Variants in ARHGEF9 observed in about 807,000 individuals in gnomAD.
The protein encoded by ARHGEF9 is Cdc42 guanine nucleotide exchange factor 9.
ARHGEF9 carries 2 observed loss-of-function variants against 41.3 expected under a neutral mutation model. The observed-to-expected ratio is 0.05, with a 90% CI of 0.02 to 0.15. The LOEUF (loss-of-function observed/expected upper bound fraction) is 0.15. Among genes scored for constraint, ARHGEF9 ranks in the 10% least tolerant of loss-of-function variants. ARHGEF9 has a pLI of 1.00. For missense variants in ARHGEF9, 225 were observed against 424.7 expected (o/e 0.53, Z 4.13); for synonymous variants, 160 against 154.4 (o/e 1.04, Z -0.27).
At chrX:63,639,923 G>A (rs1262947851) in intron 9 of ARHGEF9, 1 of 111,825 alleles carries the variant, frequency 8.9e-6, no homozygotes, top group Non-Finnish European at 1.9e-5. Context: ...GGATTCCATG[G>A]AGGTAGAGAG....
chrX:63,682,257 A>G (rs868957852), intron 4 of ARHGEF9, among the ~76,000 whole-genome samples: 6 of 111,717 alleles, frequency 5.4e-5, no homozygotes, highest in Non-Finnish European at 1.1e-4. Context: ...GCTCACGCCT[A>G]TAATCCTAGC....
intron 3 of ARHGEF9, among the ~76,000 whole-genome samples, chrX:63,702,296 T>C (rs1430402733): frequency 5.3e-5 from 6 of 112,447 alleles, no homozygotes; most frequent in African/African-American, 1.9e-4. Flanking sequence ...TGCCTCAGTT[T>C]CCTTGATTGT....
intron 1 of ARHGEF9, among the ~76,000 whole-genome samples, chrX:63,784,222 C>T (rs1260537702): frequency 8.9e-6 from 1 of 111,982 alleles, no homozygotes; most frequent in Non-Finnish European, 1.9e-5. Flanking sequence ...AGGACAAAGT[C>T]ATGGGGGCCT....
intron 1 of ARHGEF9, among the ~76,000 whole-genome samples, chrX:63,777,441 C>A (rs1212246725): frequency 9.0e-6 from 1 of 110,716 alleles, no homozygotes. Flanking sequence ...AGCATTCCAC[C>A]ACCGGCCCCT....
At chrX:63,776,865 A>G (rs1486058608) in intron 1 of ARHGEF9, among the ~76,000 whole-genome samples, 1 of 111,653 alleles carries the variant, frequency 9.0e-6, no homozygotes, top group Non-Finnish European at 1.9e-5. Flanking sequence ...TTCAACTGTC[A>G]TCAATACCTC....
intron 3 of ARHGEF9, 30 bp from the exon 4 acceptor site, chrX:63,697,334 G>T: frequency 8.4e-7 from 1 of 1,196,083 alleles, no homozygotes; most frequent in South Asian, 1.8e-5. Flanking sequence ...CTAGGCTGAG[G>T]AAGTCCCTGA....
In ARHGEF9 at chrX:63,781,514, A is replaced by T. The variant is rs148666900; in HGVS notation, c.30+3602T>A. On this transcript the variant is annotated intron_variant, in intron 1 of 9. Transcript: ENST00000671741. ...CCCACTCTATGTTCTTTCTAGCCCC[A>T]CTCTTAGCGATCTGAGGGTCCGAGC... 3.5e-3 allele frequency among the ~76,000 whole-genome samples: 393 copies of T among 111,332 alleles called. 1 individual carries two copies. Among genetic ancestry groups the T allele is most frequent in the Non-Finnish European group, 6.0e-3 (320 of 53,023 alleles).
chrX:63,750,442 C>T (rs781896596), intron 1 of ARHGEF9, among the ~76,000 whole-genome samples: 12 of 111,487 alleles, frequency 1.1e-4, no homozygotes, highest in Non-Finnish European at 9.4e-5. Context: ...GCTCTTTCAA[C>T]TTGTCCAGCC....
chrX:63,673,982 G>A (rs1159660966), intron 6 of ARHGEF9, 56 bp downstream of exon 6: 499 of 1,193,350 alleles, frequency 4.2e-4, no homozygotes, highest in Non-Finnish European at 5.3e-4. Flanking sequence ...GCTAAGATGG[G>A]AAGCTTTTGC....
rs146052570 is a variant in ARHGEF9, at chrX:63,735,519, G to C, written c.31-10808C>G. On this transcript the variant is annotated intron_variant, in intron 1 of 9. Transcript: ENST00000671741. The stretch of plus-strand genomic sequence containing the variant: ...TCAGATGTCGTGTTAAAATCTTGTA[G>C]AGAAAGGAGAGCTGAAGGTAGCGGG... Among the ~76,000 whole-genome samples the C allele has an allele frequency of 2.1e-3, 232 of 111,728 alleles. 2 individuals are homozygous for C. The highest frequency in any genetic ancestry group is 7.2e-3 in the African/African-American group (222 of 30,709).
intron 1 of ARHGEF9, among the ~76,000 whole-genome samples, chrX:63,757,925 G>A (rs1182966580): frequency 4.5e-5 from 5 of 112,255 alleles, no homozygotes; most frequent in East Asian, 5.6e-4. Flanking sequence ...TGCAGCCAGC[G>A]TTCTGGATAT....
At chrX:63,761,353 G>T (rs2056030370) in intron 1 of ARHGEF9, among the ~76,000 whole-genome samples, 1 of 111,474 alleles carries the variant, frequency 9.0e-6, no homozygotes, top group Admixed American at 9.5e-5. Flanking sequence ...TAAAATGTAA[G>T]CTCCATGAAA....
chrX:63,662,544 A>G (rs1462703183), intron 7 of ARHGEF9, among the ~76,000 whole-genome samples: 1 of 112,074 alleles, frequency 8.9e-6, no homozygotes, highest in East Asian at 2.8e-4. Flanking sequence ...GACAAGCTCA[A>G]TGGTAATAAT....
intron 1 of ARHGEF9, among the ~76,000 whole-genome samples, chrX:63,764,354 C>T (rs1398355686): frequency 8.9e-6 from 1 of 112,640 alleles, no homozygotes; most frequent in African/African-American, 3.2e-5. Context: ...AAAAGGAATG[C>T]TTTTACACTG....
chrX:63,700,828 G>T (rs1388366377), intron 3 of ARHGEF9, among the ~76,000 whole-genome samples: 1 of 111,505 alleles, frequency 9.0e-6, no homozygotes, highest in Non-Finnish European at 1.9e-5. Context: ...TTACTGCCAG[G>T]TATGCTTTGA....
intron 1 of ARHGEF9, among the ~76,000 whole-genome samples, chrX:63,736,564 A>G (rs2054623177): frequency 8.9e-6 from 1 of 111,902 alleles, no homozygotes; most frequent in African/African-American, 3.3e-5. Context: ...ATGAGGCTCC[A>G]ATGAGAAAAG....
At position 63,698,190 on chromosome X, in the gene ARHGEF9, C is replaced by T. The variant is rs1414786411; in HGVS notation, c.403-886G>A. Among the ~76,000 whole-genome samples, 4 of 106,702 alleles carry T rather than the reference C, an allele frequency of 3.7e-5. No homozygotes were observed. The East Asian group carries it at 1.2e-3, about 31-fold the overall frequency. The allele number at this position is 106,702 out of a possible 115,157, so 92.7% of individuals were successfully genotyped here. ...AATGTGTCCTAACACGTTAATATGT[C>T]CTAACACCTAACACATGTGTCTTAA... On this transcript the variant is annotated intron_variant, in intron 3 of 9. Coordinates refer to ENST00000671741, the MANE Select transcript of ARHGEF9 (RefSeq NM_001353921.2).
At chrX:63,660,139 C>G (rs1225393212) in intron 7 of ARHGEF9, among the ~76,000 whole-genome samples, 15 of 111,635 alleles carry the variant, frequency 1.3e-4, no homozygotes, top group African/African-American at 4.9e-4. Flanking sequence ...ACGGAGTCAG[C>G]CTAAATGATG....
chrX:63,638,739 A>C, intron 9 of ARHGEF9: 1 of 299,244 alleles, frequency 3.3e-6, no homozygotes, highest in Non-Finnish European at 5.8e-6. Context: ...CTAAAAGCAT[A>C]AGGTGCAAGT....
Sources: allele counts gnomAD v4.1 joint callset (sites outside exome capture counted in the v4.1 genomes callset), GRCh38; gene constraint gnomAD v4.1.1; transcripts MANE v1.5; gene names NCBI Gene and HGNC (gene_info 2026-07-23, HGNC 2026-07-21).